The following CRB1 variants were observed in gnomAD, a reference collection of about 807,000 sequenced individuals.
CRB1 encodes crumbs cell polarity complex component 1, also known as protein crumbs homolog 1.
A neutral mutation model predicts 120.0 loss-of-function variants in CRB1; 83 were observed. That is an observed-to-expected ratio of 0.69 (90% confidence interval 0.58 to 0.83). The LOEUF (loss-of-function observed/expected upper bound fraction) is 0.83. Among genes scored for constraint, CRB1 ranks in the 40% least tolerant of loss-of-function variants. The pLI is 0.00. For missense variants in CRB1, 1,699 were observed against 1,687.6 expected (o/e 1.01, Z -0.12); for synonymous variants, 625 against 612.5 (o/e 1.02, Z -0.30).
At chr1:197,322,653 T>A (rs1658271327) in intron 1 of CRB1, among the ~76,000 whole-genome samples, 1 of 152,098 alleles carries the variant, frequency 6.6e-6, no homozygotes, top group Non-Finnish European at 1.5e-5. Flanking sequence ...CTGGTATAGG[T>A]GCTTGCTATT....
chr1:197,461,459 A>T (rs1666527207), intron 11 of CRB1, among the ~76,000 whole-genome samples: 1 of 152,142 alleles, frequency 6.6e-6, no homozygotes, highest in Non-Finnish European at 1.5e-5. Flanking sequence ...AGAGCCATGA[A>T]GGTGATGCAC....
At chr1:197,394,418 G>A (rs1270073559) in intron 5 of CRB1, among the ~76,000 whole-genome samples, 2 of 152,056 alleles carry the variant, frequency 1.3e-5, no homozygotes, top group South Asian at 4.1e-4. Flanking sequence ...TATGTTTTGG[G>A]ATAGTTGCAA....
the CRB1 span, among the ~76,000 whole-genome samples, chr1:197,260,656 G>A: frequency 6.6e-6 from 1 of 150,578 alleles, no homozygotes; most frequent in Non-Finnish European, 1.5e-5. Context: ...AGCAGACTAA[G>A]AATTAAGATC....
the CRB1 span, among the ~76,000 whole-genome samples, chr1:197,249,008 A>G: frequency 5.9e-5 from 9 of 151,928 alleles, no homozygotes; most frequent in African/African-American, 2.2e-4. Flanking sequence ...CAGCCACCCA[A>G]GTGTTCTTGC....
intron 6 of CRB1, among the ~76,000 whole-genome samples, chr1:197,423,974 G>A (rs1357879343): frequency 6.6e-6 from 1 of 152,122 alleles, no homozygotes; most frequent in Non-Finnish European, 1.5e-5. Context: ...AGAACATGCA[G>A]CATTCAAGAT....
chr1:197,228,878 G>A, the CRB1 span, among the ~76,000 whole-genome samples: 5 of 152,292 alleles, frequency 3.3e-5, no homozygotes, highest in East Asian at 5.8e-4. Flanking sequence ...TTTTTACGTG[G>A]TGGCAGCAAG....
chr1:197,429,214 T>C, intron 7 of CRB1: 1 of 1,485,802 alleles, frequency 6.7e-7, no homozygotes. Context: ...CCTTGTGCTA[T>C]GGATCAATTT....
intron 4 of CRB1, among the ~76,000 whole-genome samples, chr1:197,351,122 A>G (rs1421186543): frequency 6.7e-6 from 1 of 149,008 alleles, no homozygotes; most frequent in African/African-American, 2.5e-5. Flanking sequence ...CAAGCAGATC[A>G]CTTGAGGTCA....
rs375542477 is a variant in CRB1 at position 197,365,626 on chromosome 1, C to CTT, written c.1171+8628_1171+8629dup. On this transcript the variant is annotated intron_variant, in intron 5 of 11. Transcript: ENST00000367400. ...TCTCCTTCTCCTTCTTCTTCTTCTT[C>CTT]TTTTTTTTTTTTTTTTATCAGTAGG... Among the ~76,000 whole-genome samples, 620 of 121,842 alleles carry CTT rather than the reference C, an allele frequency of 5.1e-3. 10 individuals are homozygous for CTT. The highest frequency in any genetic ancestry group is 0.018 in the African/African-American group (511 of 28,344). The allele number at this position is 121,842 out of a possible 152,430, so 79.9% of individuals were successfully genotyped here.
chr1:197,384,987 G>C (rs766897685), intron 5 of CRB1, among the ~76,000 whole-genome samples: 2 of 152,150 alleles, frequency 1.3e-5, no homozygotes, highest in Non-Finnish European at 2.9e-5. Flanking sequence ...GCACTTCAGA[G>C]GATAAGCAGA....
intron 1 of CRB1, among the ~76,000 whole-genome samples, chr1:197,321,792 C>T (rs1558052264): frequency 6.6e-6 from 1 of 152,084 alleles, no homozygotes; most frequent in Non-Finnish European, 1.5e-5. Flanking sequence ...GCCAGGAGCT[C>T]AAGGGGTATG....
the CRB1 span, among the ~76,000 whole-genome samples, chr1:197,256,937 G>C: frequency 1.1e-5 from 1 of 88,250 alleles, no homozygotes; most frequent in Admixed American, 1.1e-4. Flanking sequence ...ATTTGCGTGT[G>C]TGTGTGTGTG....
intron 11 of CRB1, among the ~76,000 whole-genome samples, chr1:197,470,204 A>G (rs979540439): frequency 6.6e-6 from 1 of 152,230 alleles, no homozygotes; most frequent in Non-Finnish European, 1.5e-5. Context: ...ACAATTGGGA[A>G]CAAGGAAGGC....
intron 5 of CRB1, among the ~76,000 whole-genome samples, chr1:197,360,806 T>G (rs536837671): frequency 5.3e-5 from 8 of 152,356 alleles, no homozygotes; most frequent in African/African-American, 1.7e-4. Flanking sequence ...TTTATTTTAC[T>G]GTGTTGAGTA....
chr1:197,360,649 T>C (rs529765848), intron 5 of CRB1, among the ~76,000 whole-genome samples: 1 of 152,354 alleles, frequency 6.6e-6, no homozygotes, highest in East Asian at 1.9e-4. Context: ...TTCTTGGTTG[T>C]TGATTGTGTA....
chr1:197,231,297 CT>C, the CRB1 span, among the ~76,000 whole-genome samples: 7 of 152,254 alleles, frequency 4.6e-5, no homozygotes, highest in East Asian at 1.2e-3. Context: ...GACTACCCCC[CT>C]CATCATCTTA....
At chr1:197,382,716 CA>C (rs1469336226) in intron 5 of CRB1, among the ~76,000 whole-genome samples, 18 of 152,120 alleles carry the variant, frequency 1.2e-4, no homozygotes, top group Admixed American at 1.2e-3. Flanking sequence ...TGTCCAATAA[CA>C]AAAAATTCTG....
chr1:197,222,199 C>T, the CRB1 span: 2,887 of 458,846 alleles, frequency 6.3e-3, 17 homozygotes, highest in Middle Eastern at 0.01. Context: ...TGTTGCCCTG[C>T]ACTGCGCGGC....
At chr1:197,437,647 T>G (rs912310522) in intron 9 of CRB1, among the ~76,000 whole-genome samples, 4 of 152,094 alleles carry the variant, frequency 2.6e-5, no homozygotes, top group Non-Finnish European at 5.9e-5. Context: ...CTTTATGATA[T>G]CCTTCTTTTT....
Sources: allele counts gnomAD v4.1 joint callset (sites outside exome capture counted in the v4.1 genomes callset), GRCh38; gene constraint gnomAD v4.1.1; transcripts MANE v1.5; gene names NCBI Gene and HGNC (gene_info 2026-07-23, HGNC 2026-07-21).